The following DUS1L variants were observed in gnomAD, a reference collection of about 807,000 sequenced individuals.
DUS1L encodes tRNA-dihydrouridine(16/17) synthase [NAD(P)(+)]-like.
In DUS1L, 56 loss-of-function variants were observed where a neutral mutation model predicts 61.2. That is an observed-to-expected ratio of 0.92 (90% CI 0.74 to 1.14). The LOEUF (loss-of-function observed/expected upper bound fraction) is 1.14, where lower values mean the gene tolerates loss of function less well. Ranked by LOEUF, DUS1L falls within the 50% of genes most tolerant of loss-of-function variation. DUS1L has a pLI of 0.00. For synonymous variants in DUS1L, 278 were observed against 259.5 expected (o/e 1.07, Z -0.69); for missense variants, 630 against 632.4 (o/e 1.00, Z 0.04).
At chr17:82,063,447 C>G in intron 4 of DUS1L, 21 bp downstream of exon 4, 1 of 1,613,790 alleles carries the variant, frequency 6.2e-7, no homozygotes, top group Non-Finnish European at 8.5e-7. Flanking sequence ...GGGTCCTTCA[C>G]CATCCACCCA....
intron 6 of DUS1L, 64 bp downstream of exon 6, chr17:82,061,837 T>G: frequency 6.3e-7 from 1 of 1,587,870 alleles, no homozygotes; most frequent in Non-Finnish European, 8.6e-7. Context: ...CACCCTGAGG[T>G]GTGGAGCTGG....
intron 10 of DUS1L, chr17:82,060,428 T>C (rs2033423842): frequency 1.7e-6 from 1 of 585,544 alleles, no homozygotes; most frequent in South Asian, 2.2e-5. Flanking sequence ...TCAGAGGAGC[T>C]CAGAGAAGTA....
chr17:82,064,889 G>A lies in DUS1L; in HGVS notation c.171C>T (p.Asp57=). The A allele has an allele frequency of 6.2e-7, 1 of 1,612,748 alleles. No individual in the cohort carries two copies. The highest frequency in any genetic ancestry group is 1.1e-5 in the South Asian group (1 of 91,080). The change falls in exon 2 of 14, where the codon GAC becomes GAT. Residue 57 remains aspartate (D), a synonymous_variant. Transcript: ENST00000306796. ...PMLHAQVFVR[D]ANYRKENLYC... is the part of the protein sequence containing the mutation. ...ACAGGTTCTCCTTCCGGTAGTTGGCGTCGCGGACAAAGACCTGGGCATGCA... is the reference window on the plus strand; with the variant it reads ...ACAGGTTCTCCTTCCGGTAGTTGGCATCGCGGACAAAGACCTGGGCATGCA...
chr17:82,059,611 G>C (rs1004725056), intron 11 of DUS1L: 3 of 310,950 alleles, frequency 9.6e-6, no homozygotes, highest in African/African-American at 2.1e-5. Flanking sequence ...CTCCCTCTCA[G>C]CAGCTGCTCA....
In DUS1L at chr17:82,061,850, C is replaced by G. The variant is rs373457653; in HGVS notation, c.593+51G>C. Reference sequence around the variant, plus strand: ...AGCACCCTGAGGTGTGGAGCTGGGACCCCCAGCAAAGCCCCAAGGACTGAG... The same window carrying G: ...AGCACCCTGAGGTGTGGAGCTGGGAGCCCCAGCAAAGCCCCAAGGACTGAG... On this transcript the variant is annotated intron_variant, in intron 6 of 13. Coordinates refer to ENST00000306796, the MANE Select transcript of DUS1L (RefSeq NM_022156.5). The G allele has an allele frequency of 1.0e-5, 16 of 1,584,674 alleles. No individual in the cohort carries two copies. The East Asian group carries it at 1.1e-4, about 11-fold the overall frequency.
At chr17:82,064,104 C>T in intron 3 of DUS1L, 22 bp downstream of exon 3, 2 of 1,604,158 alleles carry the variant, frequency 1.2e-6, no homozygotes, top group Non-Finnish European at 1.7e-6. Flanking sequence ...CCAGGTGCCC[C>T]CATGCTCCAC....
chr17:82,061,824 G>A (rs1486330871), intron 6 of DUS1L, 77 bp downstream of exon 6: 31 of 1,590,544 alleles, frequency 1.9e-5, no homozygotes, highest in East Asian at 1.3e-4. Flanking sequence ...CAGGCGTGCC[G>A]AGCACCCTGA....
intron 2 of DUS1L, 66 bp from the exon 3 acceptor site, chr17:82,064,300 C>T (rs546939121): frequency 1.0e-5 from 14 of 1,404,434 alleles, no homozygotes; most frequent in Middle Eastern, 1.8e-4. Flanking sequence ...CCCAGCCCTA[C>T]GAGAGGTCCA....
At chr17:82,061,585 G>A in intron 7 of DUS1L, 33 bp downstream of exon 7, 1 of 1,591,684 alleles carries the variant, frequency 6.3e-7, no homozygotes, top group South Asian at 1.1e-5. Context: ...CCGTGTGCAT[G>A]GGGCCCTGGC....
intron 10 of DUS1L, chr17:82,060,436 GTA>G (rs993614758): frequency 1.0e-5 from 6 of 588,768 alleles, no homozygotes; most frequent in African/African-American, 5.6e-5. Flanking sequence ...GCTCAGAGAA[GTA>G]TGTTATGGAA....
chr17:82,062,589 C>A (rs769040247), intron 5 of DUS1L, among the ~76,000 whole-genome samples: 1 of 152,268 alleles, frequency 6.6e-6, no homozygotes, highest in Non-Finnish European at 1.5e-5. Context: ...GGAGGCCCTG[C>A]CGGCCTCTGT....
chr17:82,058,605 C>T (rs1246209722), intron 12 of DUS1L, 176 bp downstream of exon 12: 11 of 1,477,714 alleles, frequency 7.4e-6, no homozygotes, highest in African/African-American at 2.8e-5. Flanking sequence ...CCCCTCCAGG[C>T]CTGGGCAGGG....
intron 1 of DUS1L, 102 bp downstream of exon 1, chr17:82,065,511 A>T (rs1161890362): frequency 6.3e-6 from 1 of 159,336 alleles, no homozygotes; most frequent in Non-Finnish European, 1.4e-5. Flanking sequence ...GGCTGGCCCG[A>T]AACGCCACAG....
At position 82,064,928 on chromosome 17, in the gene DUS1L, G is replaced by A. The variant is rs774718582; in HGVS notation, c.132C>T (p.Cys44=). 3.9e-5 allele frequency: 63 copies of A among 1,612,522 alleles called. No homozygotes were observed. The highest frequency in any genetic ancestry group is 5.2e-5 in the Non-Finnish European group (61 of 1,179,880). ...CCTGGGCATGCAGCATGGGCGTGTA[G>A]CAGAGCTGTGCCCCGTGGCGCCGGC... ...LLSRRHGAQL[C]YTPMLHAQVF... The change falls in exon 2 of 14, where the codon TGC becomes TGT. Residue 44 remains cysteine (C), a synonymous_variant. Coordinates refer to ENST00000306796, the MANE Select transcript of DUS1L (RefSeq NM_022156.5).
intron 5 of DUS1L, 131 bp from the exon 6 acceptor site, chr17:82,062,114 C>T: frequency 1.3e-6 from 1 of 783,340 alleles, no homozygotes; most frequent in Non-Finnish European, 2.0e-6. Context: ...AGCCCTGTGC[C>T]CCATGCCCGA....
chr17:82,057,975 G>T lies in DUS1L; in HGVS notation c.*140C>A. 1 of 1,121,278 alleles carries T rather than the reference G, an allele frequency of 8.9e-7. No homozygotes were observed. The highest frequency in any genetic ancestry group is 1.2e-6 in the Non-Finnish European group (1 of 832,482). The allele number at this position is 1,121,278 out of a possible 1,614,324, so 69.5% of individuals were successfully genotyped here. A position where few individuals can be genotyped will look rare whatever the true frequency, so the allele number is the denominator to read the frequency against. On this transcript the variant is annotated 3_prime_UTR_variant, in exon 14 of 14. Coordinates refer to ENST00000306796, the MANE Select transcript of DUS1L (RefSeq NM_022156.5). ...CTGCTCCCCACTGCAGCATTTCCAG[G>T]CCCCCAGAGTGGGCCGAAGGGGGAC... is the stretch of plus-strand genomic sequence containing the variant.
Position 82,061,650 on chromosome 17 carries a change from C to T in DUS1L, c.665G>A (p.Arg222Gln), listed in dbSNP as rs760562397. ...QCLQDVERCL[R>Q]DTGVQGVMSA... ...CATGACGCCCTGCACACCCGTGTCC[C>T]GGAGGCAGCGCTCCACGTCCTGCAG... The change falls in exon 7 of 14, where the codon CGG (arginine) becomes CAG (glutamine). Residue 222 changes from arginine (R) to glutamine (Q), a missense_variant. Coordinates refer to ENST00000306796, the MANE Select transcript of DUS1L (RefSeq NM_022156.5). 29 of 1,612,676 alleles carry T rather than the reference C, an allele frequency of 1.8e-5. No individual in the cohort carries two copies. The highest frequency in any genetic ancestry group is 4.5e-5 in the East Asian group (2 of 44,900).
At chr17:82,061,807 C>T (rs1390251597) in intron 6 of DUS1L, 86 bp from the exon 7 acceptor site, 13 of 1,593,600 alleles carry the variant, frequency 8.2e-6, no homozygotes, top group Admixed American at 3.4e-5. Context: ...TGGGTGGTCA[C>T]GGGCGTCAGG....
At chr17:82,065,285 C>G in intron 1 of DUS1L, 1 of 540,570 alleles carries the variant, frequency 1.8e-6, no homozygotes, top group Non-Finnish European at 3.3e-6. Flanking sequence ...ACCCCTGGGA[C>G]TTGACCCTCC....
Sources: gnomAD v4.1 joint callset for allele counts (sites outside exome capture counted in the v4.1 genomes callset) on GRCh38, gnomAD v4.1.1 for gene constraint, MANE v1.5 for transcripts, NCBI Gene and HGNC (gene_info 2026-07-23, HGNC 2026-07-21) for gene names.